Variants in GREB1L observed in about 807,000 individuals in gnomAD.
GREB1L encodes GREB1 like retinoic acid receptor coactivator.
In GREB1L, 17 loss-of-function variants were observed where a neutral mutation model predicts 200.8. The observed-to-expected ratio is 0.08, with a 90% CI of 0.06 to 0.13. GREB1L has a LOEUF of 0.13. Ranked by LOEUF, GREB1L falls within the 10% of genes least tolerant of loss-of-function variation. The pLI, the probability that GREB1L is intolerant of heterozygous loss-of-function variation, is 1.00. For missense variants in GREB1L, 1,657 were observed against 2,367.7 expected (o/e 0.70, Z 6.23); for synonymous variants, 789 against 893.0 (o/e 0.88, Z 2.08).
At chr18:21,502,501 A>T (rs1181821488) in intron 23 of GREB1L, among the ~76,000 whole-genome samples, 1 of 152,174 alleles carries the variant, frequency 6.6e-6, no homozygotes, top group African/African-American at 2.4e-5. Flanking sequence ...TGACCAGCCC[A>T]AGAAACTAGT....
At chr18:21,371,849 G>A (rs1391557342) in intron 2 of GREB1L, among the ~76,000 whole-genome samples, 1 of 150,846 alleles carries the variant, frequency 6.6e-6, no homozygotes, top group Non-Finnish European at 1.5e-5. Context: ...TCTGTGCCAG[G>A]CACTATTCTA....
intron 19 of GREB1L, among the ~76,000 whole-genome samples, chr18:21,493,103 C>T (rs1416100281): frequency 4.6e-5 from 7 of 152,170 alleles, no homozygotes; most frequent in Admixed American, 6.5e-5. Flanking sequence ...AAGTAGATTG[C>T]GGCTCACTCA....
intron 7 of GREB1L, among the ~76,000 whole-genome samples, chr18:21,425,439 A>G (rs940872724): frequency 2.6e-5 from 4 of 152,218 alleles, no homozygotes; most frequent in African/African-American, 9.6e-5. Flanking sequence ...GCTGGGTCAT[A>G]TGATAACTCT....
intron 15 of GREB1L, among the ~76,000 whole-genome samples, chr18:21,462,166 C>T (rs2035070605): frequency 6.6e-6 from 1 of 152,220 alleles, no homozygotes; most frequent in African/African-American, 2.4e-5. Context: ...ACCATCAGTG[C>T]CGCAGGTGCG....
At chr18:21,467,131 T>G (rs572517443) in intron 15 of GREB1L, among the ~76,000 whole-genome samples, 6 of 152,314 alleles carry the variant, frequency 3.9e-5, no homozygotes, top group African/African-American at 1.4e-4. Context: ...AATGTAAGAT[T>G]TACAATTACA....
intron 1 of GREB1L, among the ~76,000 whole-genome samples, chr18:21,340,409 G>A (rs1001204655): frequency 3.3e-5 from 5 of 151,750 alleles, no homozygotes; most frequent in African/African-American, 4.8e-5. Flanking sequence ...AACAGAGCGA[G>A]ACTCCGTCTC....
intron 1 of GREB1L, among the ~76,000 whole-genome samples, chr18:21,350,299 G>A (rs1443476640): frequency 2.0e-5 from 3 of 149,070 alleles, no homozygotes; most frequent in Admixed American, 6.7e-5. Flanking sequence ...GTGCAATGGC[G>A]TGATCTCAGC....
At chr18:21,383,417 A>T (rs1372732783) in intron 2 of GREB1L, 93 bp from the exon 3 acceptor site, 3 of 898,236 alleles carry the variant, frequency 3.3e-6, no homozygotes, top group Non-Finnish European at 4.9e-6. Flanking sequence ...AGATATATGG[A>T]CATAGTTTAA....
chr18:21,266,546 G>T (rs1029703547), intron 1 of GREB1L, among the ~76,000 whole-genome samples: 4 of 152,162 alleles, frequency 2.6e-5, no homozygotes, highest in Non-Finnish European at 5.9e-5. Context: ...CCCTGCAGCT[G>T]CCAACAGAAG....
chr18:21,364,807 C>T (rs2039638856), intron 1 of GREB1L, among the ~76,000 whole-genome samples: 1 of 151,104 alleles, frequency 6.6e-6, no homozygotes, highest in African/African-American at 2.4e-5. Flanking sequence ...CAATTTTAGA[C>T]TCTGAAGCTA....
intron 1 of GREB1L, among the ~76,000 whole-genome samples, chr18:21,266,636 A>T (rs1381747973): frequency 2.0e-5 from 3 of 152,372 alleles, no homozygotes; most frequent in East Asian, 3.9e-4. Context: ...TTTAAAAATT[A>T]AAGTTTTGAA....
rs187354034 is a variant in GREB1L, at chr18:21,307,755, G to C, written c.-119-58272G>C. The stretch of plus-strand genomic sequence containing the variant: ...AAGCCCCAGCAGGAGACTCGGGGGC[G>C]GGGGGGAGGAGTGAGGTCAGGCTCA... On this transcript the variant is annotated intron_variant, in intron 1 of 32. Transcript: ENST00000424526. Among the ~76,000 whole-genome samples, 11 of 152,018 alleles carry C rather than the reference G, an allele frequency of 7.2e-5. No individual in the cohort carries two copies. The South Asian group carries it at 1.0e-3, about 14-fold the overall frequency.
intron 2 of GREB1L, among the ~76,000 whole-genome samples, chr18:21,370,666 C>T (rs2039838039): frequency 6.6e-6 from 1 of 152,190 alleles, no homozygotes; most frequent in Non-Finnish European, 1.5e-5. Flanking sequence ...TTCAAGATCA[C>T]ATTAGTAGGG....
At chr18:21,444,158 C>G in intron 10 of GREB1L, 66 bp from the exon 11 acceptor site, 1 of 1,138,760 alleles carries the variant, frequency 8.8e-7, no homozygotes. Context: ...CGTCGTTGAG[C>G]AAGTGTACCT....
chr18:21,495,847 C>T (rs3764502), intron 20 of GREB1L, 62 bp downstream of exon 20: 180,570 of 894,668 alleles, frequency 0.2, 21,358 homozygotes, highest in East Asian at 0.42. Flanking sequence ...ATGATTAAAA[C>T]TTGGCTGATG....
chr18:21,524,479 T>C lies in GREB1L; in HGVS notation c.*1658T>C, dbSNP rs547976764. ...AATTTTAGTACAGCAGAATTTTTGG[T>C]AAAGAGGTATGTTTTGAAGCAATTT... On this transcript the variant is annotated 3_prime_UTR_variant, in exon 33 of 33. Transcript: ENST00000424526. The C allele has an allele frequency of 4.3e-4, 65 of 152,312 alleles. No individual in the cohort carries two copies. The highest frequency in any genetic ancestry group is 1.5e-3 in the African/African-American group (61 of 41,576). The allele number at this position is 152,312 out of a possible 1,614,324, so 9.4% of individuals were successfully genotyped here. A position where few individuals can be genotyped will look rare whatever the true frequency, so the allele number is the denominator to read the frequency against.
Position 21,520,769 on chromosome 18 carries a change from T to C in GREB1L, c.5554T>C (p.Tyr1852His). 6.5e-7 allele frequency: 1 copy of C among 1,533,022 alleles called. No homozygotes were observed. The highest frequency in any genetic ancestry group is 8.8e-7 in the Non-Finnish European group (1 of 1,141,778). 95.0% of individuals were successfully genotyped at this position (1,533,022 alleles called of 1,614,324 possible). The part of the protein sequence containing the change: ...EGVFFSGLLL[Y>H]LCDSFVGADL... ...GGTGTTTTTCAGTGGACTCCTTTTG[T>C]ACCTCTGTGACTCTTTTGTAGGTGC... The change falls in exon 32 of 33, where the codon TAC becomes CAC. Residue 1852 changes from tyrosine to histidine, a missense_variant. Physicochemically the swap from Tyr to His is moderately conservative, Grantham distance 83. Transcript: ENST00000424526.
At chr18:21,422,006 A>C (rs138395738) in intron 7 of GREB1L, among the ~76,000 whole-genome samples, 46 of 152,338 alleles carry the variant, frequency 3.0e-4, no homozygotes, top group African/African-American at 1.1e-3. Context: ...TAGTGGGAGA[A>C]ACAAGAAGTT....
chr18:21,499,609 C>T, intron 21 of GREB1L, 120 bp from the exon 22 acceptor site: 1 of 668,470 alleles, frequency 1.5e-6, no homozygotes, highest in Non-Finnish European at 2.6e-6. Flanking sequence ...ATTTCTTGCT[C>T]AGGGTCTGCA....
Sources: allele counts gnomAD v4.1 joint callset (sites outside exome capture counted in the v4.1 genomes callset), GRCh38; gene constraint gnomAD v4.1.1; transcripts MANE v1.5; gene names NCBI Gene and HGNC (gene_info 2026-07-23, HGNC 2026-07-21).